OSBPL3: variants seen among roughly 807,000 people sequenced by gnomAD.
OSBPL3 encodes oxysterol binding protein like 3.
Under a neutral mutation model 120.1 loss-of-function variants are expected in OSBPL3, and 65 were observed. The observed-to-expected ratio is 0.54, with a 90% CI of 0.44 to 0.67. The LOEUF is 0.67. OSBPL3 is among the 30% of genes least tolerant of loss of function. OSBPL3 has a pLI of 0.00. For synonymous variants in OSBPL3, 416 were observed against 402.6 expected, an observed-to-expected ratio of 1.03 and a Z score of -0.40; for missense variants, 1,004 against 1,082.1, an observed-to-expected ratio of 0.93 and a Z score of 1.01.
chr7:24,962,964 T>G (rs1299263520), intron 1 of OSBPL3, among the ~76,000 whole-genome samples: 1 of 152,242 alleles, frequency 6.6e-6, no homozygotes, highest in East Asian at 1.9e-4. Context: ...TTTTTAAATA[T>G]TTTTGAAATG....
At position 24,855,239 on chromosome 7, in the gene OSBPL3, G is replaced by A. The variant is rs968943936; in HGVS notation, c.1028-2605C>T. The stretch of plus-strand genomic sequence containing the variant: ...ATGGCCATCTCAGTGGGTCCCCTGG[G>A]GAGCTACCTCTCACTGTCTTGTTTA... On this transcript the variant is annotated intron_variant, in intron 10 of 22. Coordinates refer to ENST00000313367, the MANE Select transcript of OSBPL3 (RefSeq NM_015550.4). This position sits in a 1 kb window ranked among gnomAD's most constrained non-coding sequence, Gnocchi z 4.3. Among the ~76,000 whole-genome samples, 9 of 152,022 alleles carry A rather than the reference G, an allele frequency of 5.9e-5. No individual in the cohort carries two copies. The highest frequency in any genetic ancestry group is 1.9e-4 in the African/African-American group (8 of 41,370).
intron 1 of OSBPL3, among the ~76,000 whole-genome samples, chr7:24,950,237 T>C (rs1476162556): frequency 1.3e-5 from 2 of 152,086 alleles, no homozygotes; most frequent in Non-Finnish European, 2.9e-5. Context: ...GACATGTGCA[T>C]ACAAAAATAC....
Position 24,861,665 on chromosome 7 carries a change from G to A in OSBPL3, c.975C>T (p.Thr325=), listed in dbSNP as rs148648017. ...EEKNYSDGSE[T]SSEFSKMQED... is the part of the protein sequence containing the mutation. ...CTTGCATTTTAGAAAACTCTGATGA[G>A]GTTTCAGAGCCATCAGAATAATTTT... Residue 325 remains threonine (T), a synonymous_variant, in exon 10 of 23, where the codon ACC becomes ACT. Transcript: ENST00000313367. 3 of 1,609,854 alleles carry A rather than the reference G, an allele frequency of 1.9e-6. No homozygotes were observed. Among genetic ancestry groups the A allele is most frequent in the Admixed American group, 1.7e-5 (1 of 59,770 alleles).
intron 22 of OSBPL3, 118 bp from the exon 23 acceptor site, chr7:24,800,397 C>T (rs1792158405): frequency 1.6e-6 from 1 of 614,608 alleles, no homozygotes; most frequent in East Asian, 2.9e-5. Flanking sequence ...ATTCAGCGTC[C>T]CAGAGTGTTG....
In OSBPL3 at chr7:24,830,275, G is replaced by C. The variant is rs1796209648; in HGVS notation, c.1884+493C>G. Among the ~76,000 whole-genome samples, 1 of 152,146 alleles carries C rather than the reference G, an allele frequency of 6.6e-6. No individual in the cohort carries two copies. Among genetic ancestry groups the C allele is most frequent in the Non-Finnish European group, 1.5e-5 (1 of 68,032 alleles). ...CTGCAATATCCTAGCACCTGGAACA[G>C]TGGCAGGCACATGGTATACGTTCTA... On this transcript the variant is annotated intron_variant, in intron 16 of 22. Coordinates refer to ENST00000313367, the MANE Select transcript of OSBPL3 (RefSeq NM_015550.4). The surrounding 1 kb of genome is among the most constrained non-coding windows in gnomAD (Gnocchi z 4.4).
At chr7:24,832,787 C>G (rs146078722) in intron 15 of OSBPL3, among the ~76,000 whole-genome samples, 1 of 152,286 alleles carries the variant, frequency 6.6e-6, no homozygotes, top group Non-Finnish European at 1.5e-5. Context: ...GAAGGAAGCA[C>G]TCTCCCTGTG....
chr7:24,820,009 C>T lies in OSBPL3; in HGVS notation c.1948+166G>A, dbSNP rs899438471. On this transcript the variant is annotated intron_variant, in intron 17 of 22. Coordinates refer to ENST00000313367, the MANE Select transcript of OSBPL3 (RefSeq NM_015550.4). The surrounding 1 kb of genome is among the most constrained non-coding windows in gnomAD (Gnocchi z 4.6). Reference sequence around the variant, plus strand: ...AATAAATGGAGGTGGCTCAGATAAACTAAGTGAGAGATGAGAGGCAAGAAC... The same window carrying T: ...AATAAATGGAGGTGGCTCAGATAAATTAAGTGAGAGATGAGAGGCAAGAAC... Among the ~76,000 whole-genome samples, 3 of 152,140 alleles carry T rather than the reference C, an allele frequency of 2.0e-5. No homozygotes were observed. Among genetic ancestry groups the T allele is most frequent in the African/African-American group, 7.2e-5 (3 of 41,442 alleles).
In OSBPL3 at chr7:24,835,521, T is replaced by G. The variant is rs1796889403; in HGVS notation, c.1496-785A>C. Among the ~76,000 whole-genome samples, 8 of 152,122 alleles carry G rather than the reference T, an allele frequency of 5.3e-5. No individual in the cohort carries two copies. The South Asian group carries it at 1.7e-3, about 31-fold the overall frequency. On this transcript the variant is annotated intron_variant, in intron 14 of 22. Transcript: ENST00000313367. The surrounding 1 kb of genome is among the most constrained non-coding windows in gnomAD (Gnocchi z 4.8). Reference sequence around the variant, plus strand: ...GCAGTTTGGCAATTTCTCAAAGAACTTAAAACAGAACTGCCACTCAACTCA... The same window carrying G: ...GCAGTTTGGCAATTTCTCAAAGAACGTAAAACAGAACTGCCACTCAACTCA...
rs1313621909 is a variant in OSBPL3 at position 24,833,276 on chromosome 7, G to A, written c.1746+1210C>T. ...CCAGCATTTTGGGAGGCCAGGGCAG[G>A]AGGGTTGCTTGAGTCTAGGAGTTCG... On this transcript the variant is annotated intron_variant, in intron 15 of 22. Coordinates refer to ENST00000313367, the MANE Select transcript of OSBPL3 (RefSeq NM_015550.4). The surrounding 1 kb of genome is among the most constrained non-coding windows in gnomAD (Gnocchi z 4.4). 1.3e-5 allele frequency among the ~76,000 whole-genome samples: 2 copies of A among 152,182 alleles called. No homozygotes were observed. The highest frequency in any genetic ancestry group is 1.3e-4 in the Admixed American group (2 of 15,276).
At chr7:24,801,377 A>C (rs1243039468) in intron 22 of OSBPL3, among the ~76,000 whole-genome samples, 1 of 152,078 alleles carries the variant, frequency 6.6e-6, no homozygotes, top group African/African-American at 2.4e-5. Context: ...ATACAGCTTC[A>C]AGTTTTTATC....
rs1222756663 is a variant in OSBPL3, at chr7:24,969,539, ATCT to A, written c.-150+10344_-150+10346del. Among the ~76,000 whole-genome samples, 3 of 152,254 alleles carry A rather than the reference ATCT, an allele frequency of 2.0e-5. No homozygotes were observed. The East Asian group carries it at 5.8e-4, about 29-fold the overall frequency. Reference sequence around the variant, plus strand: ...GTGTCCTATCTAGAAAGGATTTTTCATCTTATTATTAAAAGTGTATTGTATTTT... The same window carrying A: ...GTGTCCTATCTAGAAAGGATTTTTCATATTATTAAAAGTGTATTGTATTTT... On this transcript the variant is annotated intron_variant, in intron 1 of 22. Transcript: ENST00000313367.
At position 24,891,824 on chromosome 7, in the gene OSBPL3, T is replaced by C. The variant is rs143718109; in HGVS notation, c.96+553A>G. Reference sequence around the variant, plus strand: ...TGGACCATTTTTCTGTAGATTAGGTTACCTCATCCATTATAGATATAAAGC... The same window carrying C: ...TGGACCATTTTTCTGTAGATTAGGTCACCTCATCCATTATAGATATAAAGC... On this transcript the variant is annotated intron_variant, in intron 2 of 22. Coordinates refer to ENST00000313367, the MANE Select transcript of OSBPL3 (RefSeq NM_015550.4). This position sits in a 1 kb window ranked among gnomAD's most constrained non-coding sequence, Gnocchi z 4.1. Among the ~76,000 whole-genome samples the C allele has an allele frequency of 3.9e-5, 6 of 152,362 alleles. No homozygotes were observed. The highest frequency in any genetic ancestry group is 8.8e-5 in the Non-Finnish European group (6 of 68,036).
At chr7:24,895,161 A>G (rs1257236752) in intron 1 of OSBPL3, among the ~76,000 whole-genome samples, 1 of 152,216 alleles carries the variant, frequency 6.6e-6, no homozygotes, top group Non-Finnish European at 1.5e-5. Context: ...CTAAAAAGTA[A>G]AGGAAGTCAA....
In OSBPL3 at chr7:24,955,269, C is replaced by T. The variant is rs1360076888; in HGVS notation, c.-150+24617G>A. Among the ~76,000 whole-genome samples, 1 of 152,218 alleles carries T rather than the reference C, an allele frequency of 6.6e-6. No homozygotes were observed. The highest frequency in any genetic ancestry group is 1.5e-5 in the Non-Finnish European group (1 of 68,042). On this transcript the variant is annotated intron_variant, in intron 1 of 22. Coordinates refer to ENST00000313367, the MANE Select transcript of OSBPL3 (RefSeq NM_015550.4). The surrounding 1 kb of genome is among the most constrained non-coding windows in gnomAD (Gnocchi z 4.3). Reference sequence around the variant, plus strand: ...GTTAATTTACCAGTTAATTCCCCACCAACAAGGAAGAAAGCAAACTTTTCC... The same window carrying T: ...GTTAATTTACCAGTTAATTCCCCACTAACAAGGAAGAAAGCAAACTTTTCC...
intron 1 of OSBPL3, among the ~76,000 whole-genome samples, chr7:24,977,447 A>G (rs1188657204): frequency 1.3e-5 from 2 of 152,256 alleles, no homozygotes; most frequent in Non-Finnish European, 2.9e-5. Context: ...AGACTATTAA[A>G]AAATCTAGCT....
At position 24,805,194 on chromosome 7, in the gene OSBPL3, C is replaced by T. The variant is rs954133730; in HGVS notation, c.2445-757G>A. Among the ~76,000 whole-genome samples the T allele has an allele frequency of 8.5e-5, 13 of 152,140 alleles. No individual in the cohort carries two copies. Among genetic ancestry groups the T allele is most frequent in the Non-Finnish European group, 1.5e-4 (10 of 68,030 alleles). ...ATGGGGATCATACCCAATTTATATT[C>T]CCATCAGCAATGCTGAGAGTGCCCT... On this transcript the variant is annotated intron_variant, in intron 21 of 22. Transcript: ENST00000313367. This position sits in a 1 kb window ranked among gnomAD's most constrained non-coding sequence, Gnocchi z 4.0.
chr7:24,870,644 G>A (rs1801975760), intron 5 of OSBPL3, 88 bp downstream of exon 5: 5 of 818,818 alleles, frequency 6.1e-6, no homozygotes, highest in South Asian at 2.8e-5. Flanking sequence ...CATGTTGGCC[G>A]AATACCCAAA....
Position 24,940,023 on chromosome 7 carries a change from T to C in OSBPL3, c.-150+39863A>G, listed in dbSNP as rs1479729350. Among the ~76,000 whole-genome samples, 1 of 152,002 alleles carries C rather than the reference T, an allele frequency of 6.6e-6. No individual in the cohort carries two copies. The highest frequency in any genetic ancestry group is 1.5e-5 in the Non-Finnish European group (1 of 67,994). On this transcript the variant is annotated intron_variant, in intron 1 of 22. Transcript: ENST00000313367. This position sits in a 1 kb window ranked among gnomAD's most constrained non-coding sequence, Gnocchi z 4.4. ...AAAGAAAGAAAAATAAATACATAAA[T>C]AAATAAAGTTGGGAGAATTTCTTCC... is the stretch of plus-strand genomic sequence containing the variant.
intron 19 of OSBPL3, among the ~76,000 whole-genome samples, chr7:24,812,021 T>A (rs1793864521): frequency 6.6e-6 from 1 of 152,122 alleles, no homozygotes; most frequent in Non-Finnish European, 1.5e-5. Context: ...AAGGCTCAGT[T>A]CTTGGACGGG....
Sources: allele counts gnomAD v4.1 joint callset (sites outside exome capture counted in the v4.1 genomes callset), GRCh38; gene constraint gnomAD v4.1.1; non-coding constraint Gnocchi (gnomAD v3.1); transcripts MANE v1.5; gene names NCBI Gene and HGNC (gene_info 2026-07-23, HGNC 2026-07-21).